The following RNF180 variants were observed in gnomAD, a reference collection of about 807,000 sequenced individuals.
The protein encoded by RNF180 is E3 ubiquitin-protein ligase RNF180.
Under a neutral mutation model 59.2 loss-of-function variants are expected in RNF180, and 38 were observed. That is an observed-to-expected ratio of 0.64 (90% CI 0.50 to 0.84). The LOEUF (loss-of-function observed/expected upper bound fraction) is 0.84, where lower values mean the gene tolerates loss of function less well. Ranked by LOEUF, RNF180 falls within the 40% of genes least tolerant of loss-of-function variation. The probability of loss-of-function intolerance (pLI) is 0.00; values close to 1 mark genes in which losing one functional copy is unlikely to be tolerated. For missense variants in RNF180, 705 were observed against 700.9 expected, an observed-to-expected ratio of 1.01 and a Z score of -0.07; for synonymous variants, 262 against 240.3, an observed-to-expected ratio of 1.09 and a Z score of -0.84.
intron 1 of RNF180, among the ~76,000 whole-genome samples, chr5:64,196,245 A>G (rs1180852107): frequency 6.6e-6 from 1 of 151,688 alleles, no homozygotes; most frequent in Non-Finnish European, 1.5e-5. Flanking sequence ...CTTATTTACT[A>G]GCATTAGCTA....
At chr5:64,295,750 T>G (rs1366158611) in intron 5 of RNF180, among the ~76,000 whole-genome samples, 9 of 152,222 alleles carry the variant, frequency 5.9e-5, no homozygotes, top group African/African-American at 2.2e-4. Flanking sequence ...TTACCTGAAG[T>G]GTTTCTCTAG....
chr5:64,353,766 A>G (rs1006613566), intron 7 of RNF180, among the ~76,000 whole-genome samples: 4 of 151,872 alleles, frequency 2.6e-5, no homozygotes, highest in South Asian at 2.1e-4. Context: ...GAAGCAATAC[A>G]AAGTATCTTC....
intron 1 of RNF180, among the ~76,000 whole-genome samples, chr5:64,190,006 C>CA (rs1491010234): frequency 6.6e-6 from 1 of 152,184 alleles, no homozygotes; most frequent in Non-Finnish European, 1.5e-5. Flanking sequence ...CACACAGACT[C>CA]ACAGGGCTAA....
chr5:64,274,941 A>G (rs1166378278), intron 5 of RNF180, among the ~76,000 whole-genome samples: 2 of 152,042 alleles, frequency 1.3e-5, no homozygotes, highest in South Asian at 2.1e-4. Flanking sequence ...TTTGTGGGCT[A>G]TATAAAAACT....
chr5:64,239,420 T>C (rs542895383), intron 5 of RNF180, among the ~76,000 whole-genome samples: 7 of 152,348 alleles, frequency 4.6e-5, no homozygotes, highest in Non-Finnish European at 8.8e-5. Flanking sequence ...TTGCTTTTGC[T>C]GCACGTTACA....
intron 5 of RNF180, among the ~76,000 whole-genome samples, chr5:64,252,732 T>C (rs958571337): frequency 6.6e-6 from 1 of 152,076 alleles, no homozygotes; most frequent in Non-Finnish European, 1.5e-5. Flanking sequence ...ATCAAGGACA[T>C]ATCTGAGAAG....
In RNF180 at chr5:64,200,873, T is replaced by C; in HGVS notation, c.66T>C (p.Cys22=). Residue 22 remains cysteine, a synonymous_variant, in exon 2 of 8, where the codon TGT becomes TGC. Coordinates refer to ENST00000389100, the MANE Select transcript of RNF180 (RefSeq NM_001113561.2). ...HSQEETSILR[C]WKCRKCIASS... ...AAGAGGAAACAAGTATTCTTCGTTGTTGGAAATGTAGAAAATGTATAGCAA... is the reference window on the plus strand; with the variant it reads ...AAGAGGAAACAAGTATTCTTCGTTGCTGGAAATGTAGAAAATGTATAGCAA... 1 of 1,612,278 alleles carries C rather than the reference T, an allele frequency of 6.2e-7. No individual in the cohort carries two copies. Among genetic ancestry groups the C allele is most frequent in the South Asian group, 1.1e-5 (1 of 91,040 alleles).
intron 5 of RNF180, among the ~76,000 whole-genome samples, chr5:64,237,293 G>A (rs1445511466): frequency 6.6e-6 from 1 of 152,188 alleles, no homozygotes. Context: ...CAAAGGAGAT[G>A]TTAGAGCTTT....
At position 64,213,748 on chromosome 5, in the gene RNF180, C is replaced by T. The variant is rs754304751; in HGVS notation, c.422C>T (p.Pro141Leu). 6.2e-7 allele frequency: 1 copy of T among 1,614,124 alleles called. No homozygotes were observed. The highest frequency in any genetic ancestry group is 1.1e-5 in the South Asian group (1 of 91,084). ...CCATCAGTGAAATACTTGTCACATCCTAGAGTTCAGTCAGGTTGTGACAAG... is the reference window on the plus strand; with the variant it reads ...CCATCAGTGAAATACTTGTCACATCTTAGAGTTCAGTCAGGTTGTGACAAG... ...MRPSVKYLSH[P>L]RVQSGCDKEA... is the part of the protein sequence containing the mutation. Residue 141 changes from proline (P) to leucine (L), a missense_variant, in exon 4 of 8, where the codon CCT becomes CTT. Transcript: ENST00000389100.
At chr5:64,290,415 A>G (rs570595924) in intron 5 of RNF180, among the ~76,000 whole-genome samples, 1 of 152,300 alleles carries the variant, frequency 6.6e-6, no homozygotes, top group South Asian at 2.1e-4. Context: ...AGCTGAGTTT[A>G]GGTCCTGAAT....
At chr5:64,196,768 T>C (rs1011995259) in intron 1 of RNF180, among the ~76,000 whole-genome samples, 1 of 152,148 alleles carries the variant, frequency 6.6e-6, no homozygotes, top group Non-Finnish European at 1.5e-5. Context: ...ATATTACTCT[T>C]ATAGAATTAT....
chr5:64,239,422 C>T (rs1003969887), intron 5 of RNF180, among the ~76,000 whole-genome samples: 1 of 152,148 alleles, frequency 6.6e-6, no homozygotes, highest in African/African-American at 2.4e-5. Flanking sequence ...GCTTTTGCTG[C>T]ACGTTACATT....
chr5:64,213,671 C>T lies in RNF180; in HGVS notation c.345C>T (p.Leu115=). Residue 115 remains leucine, a synonymous_variant, in exon 4 of 8, where the codon CTC becomes CTT. Transcript: ENST00000389100. ...CSCGQLAAVH[L]SKSRTDYQPT... is the part of the protein sequence containing the mutation. ...GTGGCCAGCTTGCAGCTGTACATCT[C>T]TCCAAGAGCCGGACTGATTATCAGC... 1 of 1,614,138 alleles carries T rather than the reference C, an allele frequency of 6.2e-7. No homozygotes were observed. The highest frequency in any genetic ancestry group is 8.5e-7 in the Non-Finnish European group (1 of 1,180,004).
chr5:64,201,236 T>A (rs1475908800), intron 2 of RNF180, among the ~76,000 whole-genome samples: 1 of 152,252 alleles, frequency 6.6e-6, no homozygotes, highest in Non-Finnish European at 1.5e-5. Context: ...ATAGTCAATG[T>A]TTTTTATTCC....
At chr5:64,260,505 AT>A (rs1252090846) in intron 5 of RNF180, among the ~76,000 whole-genome samples, 1 of 152,176 alleles carries the variant, frequency 6.6e-6, no homozygotes, top group Admixed American at 6.6e-5. Flanking sequence ...TGAGTAGGTC[AT>A]GTTACTTCTG....
At chr5:64,305,721 GC>G (rs550707884) in intron 5 of RNF180, among the ~76,000 whole-genome samples, 1 of 151,186 alleles carries the variant, frequency 6.6e-6, no homozygotes, top group South Asian at 2.1e-4. Context: ...GTAACATTCT[GC>G]CCCTAAATCT....
At position 64,194,237 on chromosome 5, in the gene RNF180, G is replaced by C. The variant is rs1328602797; in HGVS notation, c.1-6571G>C. 4.6e-5 allele frequency among the ~76,000 whole-genome samples: 7 copies of C among 152,012 alleles called. No homozygotes were observed. The East Asian group carries it at 1.2e-3, about 25-fold the overall frequency. On this transcript the variant is annotated intron_variant, in intron 1 of 7. Transcript: ENST00000389100. ...TTCTCATTGTTCAATTCCCACCTAT[G>C]AGTGAGAACATGCAGTGTTTGGTTT... is the stretch of plus-strand genomic sequence containing the variant.
intron 5 of RNF180, among the ~76,000 whole-genome samples, chr5:64,319,171 G>GT (rs1258801041): frequency 7.9e-6 from 1 of 127,384 alleles, no homozygotes; most frequent in African/African-American, 2.9e-5. Context: ...TAAAACTGTT[G>GT]TTTAAAAAAA....
intron 5 of RNF180, among the ~76,000 whole-genome samples, chr5:64,310,134 G>C (rs1743689111): frequency 6.6e-6 from 1 of 151,684 alleles, no homozygotes; most frequent in Admixed American, 6.6e-5. Flanking sequence ...CATGAAGATA[G>C]ATGTAAAAAT....
Sources: allele counts gnomAD v4.1 joint callset (sites outside exome capture counted in the v4.1 genomes callset), GRCh38; gene constraint gnomAD v4.1.1; transcripts MANE v1.5; gene names NCBI Gene and HGNC (gene_info 2026-07-23, HGNC 2026-07-21).